Variants in SNAPC1 observed in about 807,000 individuals in gnomAD.
SNAPC1 encodes the protein snRNA-activating protein complex subunit 1.
SNAPC1 carries 42 observed loss-of-function variants against 50.1 expected under a neutral mutation model. The ratio of observed to expected loss-of-function variants is 0.84; its 90% confidence interval spans 0.65 to 1.08. SNAPC1 has a LOEUF of 1.08. Among genes scored for constraint, SNAPC1 ranks in the 50% least tolerant of loss-of-function variants. The pLI, the probability that SNAPC1 is intolerant of heterozygous loss-of-function variation, is 0.00. For missense variants in SNAPC1, 477 were observed against 427.3 expected, an observed-to-expected ratio of 1.12 and a Z score of -1.02; for synonymous variants, 164 against 144.2, an observed-to-expected ratio of 1.14 and a Z score of -0.98.
chr14:61,787,657 G>A (rs1310074941), intron 8 of SNAPC1, among the ~76,000 whole-genome samples: 1 of 152,232 alleles, frequency 6.6e-6, no homozygotes, highest in Non-Finnish European at 1.5e-5. Context: ...TGTATGAATG[G>A]TTGAAGTACT....
chr14:61,789,361 C>T (rs185570673), intron 8 of SNAPC1, among the ~76,000 whole-genome samples: 179 of 151,986 alleles, frequency 1.2e-3, no homozygotes, highest in Non-Finnish European at 3.1e-4. Context: ...AGTATGATCT[C>T]GTTTCTATTA....
At chr14:61,783,597 G>A (rs1169251576) in intron 8 of SNAPC1, among the ~76,000 whole-genome samples, 6 of 142,470 alleles carry the variant, frequency 4.2e-5, no homozygotes, top group South Asian at 2.3e-4. Context: ...GTGCAGTGGC[G>A]CGATCTCGGC....
intron 8 of SNAPC1, among the ~76,000 whole-genome samples, chr14:61,782,916 A>T (rs1449142073): frequency 6.7e-6 from 1 of 149,224 alleles, no homozygotes; most frequent in Non-Finnish European, 1.5e-5. Flanking sequence ...CAAACAAACA[A>T]AAAAAGAAAT....
At chr14:61,786,489 A>G (rs527909801) in intron 8 of SNAPC1, among the ~76,000 whole-genome samples, 1 of 152,228 alleles carries the variant, frequency 6.6e-6, no homozygotes, top group Non-Finnish European at 1.5e-5. Context: ...AATGGCTAAA[A>G]CATTTCACCA....
intron 9 of SNAPC1, among the ~76,000 whole-genome samples, 166 bp downstream of exon 9, chr14:61,793,068 C>G (rs2045164230): frequency 6.6e-6 from 1 of 152,174 alleles, no homozygotes; most frequent in Non-Finnish European, 1.5e-5. Context: ...TTAATGACAT[C>G]TCAAAGTCAG....
At position 61,765,372 on chromosome 14, in the gene SNAPC1, C is replaced by A. The variant is rs945211029; in HGVS notation, c.129-1504C>A. 2.0e-5 allele frequency among the ~76,000 whole-genome samples: 3 copies of A among 152,262 alleles called. No individual in the cohort carries two copies. The South Asian group carries it at 6.2e-4, about 32-fold the overall frequency. On this transcript the variant is annotated intron_variant, in intron 1 of 9. Transcript: ENST00000216294. ...CACCCGTGACACAGCCTCAGGAAGT[C>A]GTGTTGACATGCGCCCAAGGTGGTC...
intron 8 of SNAPC1, among the ~76,000 whole-genome samples, chr14:61,786,225 T>A (rs939931822): frequency 6.6e-6 from 1 of 152,210 alleles, no homozygotes; most frequent in Non-Finnish European, 1.5e-5. Flanking sequence ...ATGTTTGTGT[T>A]CTTGGGTTGG....
At position 61,782,339 on chromosome 14, in the gene SNAPC1, A is replaced by G. The variant is rs763562019; in HGVS notation, c.918A>G (p.Lys306=). ...SGQGQVKATR[K]KEKKERLKPA... ...AAGGGCAAGTCAAAGCAACTAGGAAAAAAGAGAAGAAAGAAAGATTGAAAC... is the reference window on the plus strand; with the variant it reads ...AAGGGCAAGTCAAAGCAACTAGGAAGAAAGAGAAGAAAGAAAGATTGAAAC... Residue 306 remains lysine (K), a synonymous_variant, in exon 8 of 10, where the codon AAA becomes AAG. Transcript: ENST00000216294. 15 of 1,613,714 alleles carry G rather than the reference A, an allele frequency of 9.3e-6. No individual in the cohort carries two copies. Among genetic ancestry groups the G allele is most frequent in the Non-Finnish European group, 1.3e-5 (15 of 1,179,852 alleles).
chr14:61,768,106 T>C (rs1417177289), intron 3 of SNAPC1, among the ~76,000 whole-genome samples: 1 of 152,212 alleles, frequency 6.6e-6, no homozygotes, highest in Non-Finnish European at 1.5e-5. Context: ...TAGGAGAAGG[T>C]ATTTTCTAAT....
Position 61,762,471 on chromosome 14 carries a change from C to T in SNAPC1, c.11C>T (p.Pro4Leu), listed in dbSNP as rs565516127. The change falls in exon 1 of 10, where the codon CCT becomes CTT. Residue 4 changes from proline (P) to leucine (L), a missense_variant. By Grantham distance (98) the Pro-to-Leu change is moderately conservative. Coordinates refer to ENST00000216294, the MANE Select transcript of SNAPC1 (RefSeq NM_003082.4). The stretch of plus-strand genomic sequence containing the variant: ...CGGGCTTCGGGTGCCATGGGGACTC[C>T]TCCCGGCCTGCAGACCGACTGCGAG... MGT[P>L]PGLQTDCEAL... 2 of 1,146,386 alleles carry T rather than the reference C, an allele frequency of 1.7e-6. No individual in the cohort carries two copies. The highest frequency in any genetic ancestry group is 3.5e-5 in the South Asian group (2 of 57,388). The allele number at this position is 1,146,386 out of a possible 1,614,324, so 71.0% of individuals were successfully genotyped here.
intron 1 of SNAPC1, among the ~76,000 whole-genome samples, chr14:61,765,777 G>T (rs1365542466): frequency 2.0e-5 from 3 of 152,120 alleles, no homozygotes; most frequent in Non-Finnish European, 4.4e-5. Flanking sequence ...TGCCAACAAA[G>T]CCTTGTTGCT....
chr14:61,767,010 C>G lies in SNAPC1; in HGVS notation c.263C>G (p.Thr88Ser), dbSNP rs201965687. Reference protein sequence around the residue: ...ALYLLYGLYNTQLCQPKQKIR... With the variant: ...ALYLLYGLYNSQLCQPKQKIR... The stretch of plus-strand genomic sequence containing the variant: ...TATCTGCTATATGGATTATATAATA[C>G]CCAACTGTGTCAACCAAAACAAAAG... Residue 88 changes from threonine (T) to serine (S), a missense_variant, in exon 2 of 10, where the codon ACC becomes AGC. Thr to Ser is a moderately conservative substitution (Grantham distance 58). Transcript: ENST00000216294. The G allele has an allele frequency of 6.3e-7, 1 of 1,592,086 alleles. No homozygotes were observed. The highest frequency in any genetic ancestry group is 8.6e-7 in the Non-Finnish European group (1 of 1,167,692).
chr14:61,762,595 G>A lies in SNAPC1; in HGVS notation c.128+7G>A. 5.6e-6 allele frequency: 9 copies of A among 1,607,546 alleles called. 1 individual carries two copies. Among genetic ancestry groups the A allele is most frequent in the South Asian group, 3.3e-5 (3 of 90,132 alleles). On this transcript the variant is annotated splice_region_variant and intron_variant, in intron 1 of 9. Coordinates refer to ENST00000216294, the MANE Select transcript of SNAPC1 (RefSeq NM_003082.4). ...AGTTCGGGACTATCTTCTGGTGGGTGTTTCTTGTCCACCACCCGCCTCTCC... is the reference window on the plus strand; with the variant it reads ...AGTTCGGGACTATCTTCTGGTGGGTATTTCTTGTCCACCACCCGCCTCTCC...
chr14:61,773,900 G>T (rs1253345811), intron 4 of SNAPC1, among the ~76,000 whole-genome samples: 1 of 151,248 alleles, frequency 6.6e-6, no homozygotes, highest in African/African-American at 2.4e-5. Flanking sequence ...GTAGAAATGG[G>T]GTTTCACCAT....
In SNAPC1 at chr14:61,773,724, A is replaced by G. The variant is rs1416089302; in HGVS notation, c.535-2371A>G. On this transcript the variant is annotated intron_variant, in intron 4 of 9. Transcript: ENST00000216294. ...TTTTTTTTTTTATTTTTTAAGGCAG[A>G]GTTTCCCTTTTATTGCCCAGGCTGG... Among the ~76,000 whole-genome samples the G allele has an allele frequency of 4.0e-5, 5 of 124,548 alleles. 1 individual carries two copies. Among genetic ancestry groups the G allele is most frequent in the Non-Finnish European group, 6.6e-5 (4 of 61,058 alleles). The allele number at this position is 124,548 out of a possible 152,430, so 81.7% of individuals were successfully genotyped here.
chr14:61,789,291 C>T (rs753697272), intron 8 of SNAPC1, among the ~76,000 whole-genome samples: 4 of 149,882 alleles, frequency 2.7e-5, no homozygotes, highest in Admixed American at 6.7e-5. Context: ...CAAAATATAT[C>T]GACTAAAAAT....
chr14:61,793,654 TTTTTTTC>T (rs1344091642), intron 9 of SNAPC1, among the ~76,000 whole-genome samples: 1,157 of 29,082 alleles, frequency 0.04, 6 homozygotes, highest in Middle Eastern at 0.13. Context: ...TTTTCTTTTC[TTTTTTTC>T]TTTTTTTTTT....
chr14:61,769,601 G>C (rs974430974), intron 4 of SNAPC1, among the ~76,000 whole-genome samples: 2 of 151,820 alleles, frequency 1.3e-5, no homozygotes, highest in Non-Finnish European at 2.9e-5. Flanking sequence ...GTTTTGCCGT[G>C]TTAGCCAGGA....
intron 8 of SNAPC1, among the ~76,000 whole-genome samples, chr14:61,785,106 A>G (rs1447518971): frequency 6.6e-6 from 1 of 152,228 alleles, no homozygotes; most frequent in Non-Finnish European, 1.5e-5. Flanking sequence ...ATTTATTAAG[A>G]GACACAAGTT....
Sources: allele counts gnomAD v4.1 joint callset (sites outside exome capture counted in the v4.1 genomes callset), GRCh38; gene constraint gnomAD v4.1.1; transcripts MANE v1.5; gene names NCBI Gene and HGNC (gene_info 2026-07-23, HGNC 2026-07-21).